CMTM4: variants seen among roughly 807,000 people sequenced by gnomAD.
CMTM4 encodes CKLF-like MARVEL transmembrane domain-containing protein 4.
In CMTM4, 8 loss-of-function variants were observed where a neutral mutation model predicts 19.0. The observed-to-expected ratio is 0.42, with a 90% CI of 0.25 to 0.76. CMTM4 has a LOEUF of 0.76. CMTM4 is among the 30% of genes least tolerant of loss of function. CMTM4 has a pLI of 0.27. For missense variants in CMTM4, 228 were observed against 290.2 expected, an observed-to-expected ratio of 0.79 and a Z score of 1.56; for synonymous variants, 106 against 121.1, an observed-to-expected ratio of 0.88 and a Z score of 0.82.
the CMTM4 span, chr16:66,608,428 G>C: frequency 1.2e-6 from 2 of 1,614,178 alleles, no homozygotes; most frequent in African/African-American, 2.7e-5. This position sits in a 1 kb window ranked among gnomAD's most constrained non-coding sequence, Gnocchi z 5.1. Flanking sequence ...CCATGCAGCT[G>C]AATGACAAGT....
chr16:66,665,684 G>A (rs1183932302), intron 1 of CMTM4, among the ~76,000 whole-genome samples: 1 of 151,958 alleles, frequency 6.6e-6, no homozygotes, highest in Non-Finnish European at 1.5e-5. Flanking sequence ...GCTGAGACAG[G>A]AGAATCACTT....
chr16:66,695,712 C>A (rs1225881757), intron 1 of CMTM4, among the ~76,000 whole-genome samples: 2 of 152,198 alleles, frequency 1.3e-5, no homozygotes, highest in East Asian at 3.8e-4. Context: ...GCAGTGCCAG[C>A]CACCGTGCTG....
At chr16:66,657,999 C>G (rs1411661116) in intron 1 of CMTM4, among the ~76,000 whole-genome samples, 5 of 152,076 alleles carry the variant, frequency 3.3e-5, no homozygotes, top group African/African-American at 1.2e-4. Context: ...GGTGGAAGGA[C>G]CACTTGAGGC....
chr16:66,620,522 C>G lies in CMTM4; in HGVS notation c.*1536G>C. 3.0e-6 allele frequency: 3 copies of G among 985,474 alleles called. No homozygotes were observed. Among genetic ancestry groups the G allele is most frequent in the Non-Finnish European group, 3.6e-6 (3 of 829,958 alleles). 61.0% of individuals were successfully genotyped at this position (985,474 alleles called of 1,614,324 possible). A position where few individuals can be genotyped will look rare whatever the true frequency, so the allele number is the denominator to read the frequency against. ...CAACACTGTGAGCTCAGATGCTGTC[C>G]TTTTCTGGGGAATGAGACGCCACAT... On this transcript the variant is annotated 3_prime_UTR_variant, in exon 4 of 4. Coordinates refer to ENST00000394106, the MANE Select transcript of CMTM4 (RefSeq NM_181521.3).
intron 2 of CMTM4, among the ~76,000 whole-genome samples, chr16:66,635,323 T>A (rs1324934276): frequency 6.6e-6 from 1 of 152,188 alleles, no homozygotes; most frequent in Non-Finnish European, 1.5e-5. Context: ...ACAGCTAAGT[T>A]TTCAACTGAT....
chr16:66,612,448 G>A (rs553475482), downstream of CMTM4, among the ~76,000 whole-genome samples: 7 of 151,964 alleles, frequency 4.6e-5, no homozygotes, highest in Non-Finnish European at 8.8e-5. The surrounding 1 kb of genome is among the most constrained non-coding windows in gnomAD (Gnocchi z 6.0). Context: ...TCAGGCCCGC[G>A]GCCTGCCCTG....
intron 1 of CMTM4, among the ~76,000 whole-genome samples, chr16:66,686,060 C>T (rs1017218104): frequency 3.3e-5 from 5 of 151,804 alleles, no homozygotes; most frequent in Admixed American, 6.6e-5. Context: ...CAAGACCATC[C>T]CGGCCAACAT....
chr16:66,600,055 T>TA, the CMTM4 span, among the ~76,000 whole-genome samples: 11 of 151,374 alleles, frequency 7.3e-5, no homozygotes, highest in South Asian at 1.7e-3. Flanking sequence ...TTTGGCCCAT[T>TA]AAAAAAAATT....
At chr16:66,643,831 G>A (rs1252264210) in intron 1 of CMTM4, among the ~76,000 whole-genome samples, 3 of 152,224 alleles carry the variant, frequency 2.0e-5, no homozygotes, top group East Asian at 1.9e-4. Context: ...TCGGCTCACC[G>A]CAACCTCTGC....
intron 1 of CMTM4, among the ~76,000 whole-genome samples, chr16:66,665,379 C>G (rs572479465): frequency 3.3e-5 from 5 of 150,684 alleles, no homozygotes; most frequent in Non-Finnish European, 4.4e-5. Context: ...TCTTTATAAG[C>G]TGAGAATAGT....
chr16:66,620,678 A>T lies in CMTM4; in HGVS notation c.*1380T>A. On this transcript the variant is annotated 3_prime_UTR_variant, in exon 4 of 4. Coordinates refer to ENST00000394106, the MANE Select transcript of CMTM4 (RefSeq NM_181521.3). Reference sequence around the variant, plus strand: ...TGGGGATTTCTCCATGTTACTGCAAAATCTTCCTGCCACAGTAAGTGCTTT... The same window carrying T: ...TGGGGATTTCTCCATGTTACTGCAATATCTTCCTGCCACAGTAAGTGCTTT... 1.0e-6 allele frequency: 1 copy of T among 985,824 alleles called. No individual in the cohort carries two copies. Among genetic ancestry groups the T allele is most frequent in the Non-Finnish European group, 1.2e-6 (1 of 829,942 alleles). 61.1% of individuals were successfully genotyped at this position (985,824 alleles called of 1,614,324 possible).
At chr16:66,669,240 T>C (rs1227999106) in intron 1 of CMTM4, among the ~76,000 whole-genome samples, 3 of 152,322 alleles carry the variant, frequency 2.0e-5, no homozygotes, top group East Asian at 1.9e-4. Context: ...TACATACTTA[T>C]GATTCCATTT....
At chr16:66,688,867 A>G (rs1352823074) in intron 1 of CMTM4, among the ~76,000 whole-genome samples, 2 of 152,188 alleles carry the variant, frequency 1.3e-5, no homozygotes, top group African/African-American at 4.8e-5. Context: ...ATGTTTTGTG[A>G]GATTTATATC....
At chr16:66,645,589 A>G (rs901412136) in intron 1 of CMTM4, among the ~76,000 whole-genome samples, 2 of 151,864 alleles carry the variant, frequency 1.3e-5, no homozygotes, top group African/African-American at 4.8e-5. Context: ...AAAAAACAAA[A>G]AACTGTAACT....
intron 1 of CMTM4, among the ~76,000 whole-genome samples, chr16:66,653,014 C>T (rs971561564): frequency 1.3e-5 from 2 of 152,198 alleles, no homozygotes; most frequent in African/African-American, 4.8e-5. Context: ...TGTTTAACTA[C>T]ACTGCTGCCA....
At chr16:66,693,096 C>T (rs775182553) in intron 1 of CMTM4, among the ~76,000 whole-genome samples, 5 of 151,798 alleles carry the variant, frequency 3.3e-5, no homozygotes, top group Admixed American at 6.6e-5. Context: ...TGGTGGCAGG[C>T]GCCAGTAATC....
chr16:66,655,262 C>T (rs185704798), intron 1 of CMTM4, among the ~76,000 whole-genome samples: 420 of 152,252 alleles, frequency 2.8e-3, no homozygotes, highest in Middle Eastern at 0.01. Flanking sequence ...TGAGGTACTG[C>T]GCCCAGCTGA....
chr16:66,672,495 T>TTATTA (rs753434062), intron 1 of CMTM4, among the ~76,000 whole-genome samples: 52 of 150,264 alleles, frequency 3.5e-4, no homozygotes, highest in Non-Finnish European at 6.8e-4. Context: ...TATGTATATA[T>TTATTA]TATTATATAT....
At chr16:66,653,059 T>C (rs2144844307) in intron 1 of CMTM4, among the ~76,000 whole-genome samples, 1 of 152,282 alleles carries the variant, frequency 6.6e-6, no homozygotes, top group African/African-American at 2.4e-5. Flanking sequence ...TTTCTCATGG[T>C]CCTAGCTTCA....
Sources: allele counts gnomAD v4.1 joint callset (sites outside exome capture counted in the v4.1 genomes callset), GRCh38; gene constraint gnomAD v4.1.1; non-coding constraint Gnocchi (gnomAD v3.1); transcripts MANE v1.5; gene names NCBI Gene and HGNC (gene_info 2026-07-23, HGNC 2026-07-21).